Variants in FAM83B observed in about 807,000 individuals in gnomAD.
The protein encoded by FAM83B is protein FAM83B.
In FAM83B, 26 loss-of-function variants were observed where a neutral mutation model predicts 38.8. The observed-to-expected ratio is 0.67, with a 90% confidence interval of 0.49 to 0.93. FAM83B has a LOEUF of 0.93. FAM83B is among the 40% of genes least tolerant of loss of function. The pLI is 0.00. For missense variants in FAM83B, 1,237 were observed against 1,197.3 expected, an observed-to-expected ratio of 1.03 and a Z score of -0.49; for synonymous variants, 419 against 423.1, an observed-to-expected ratio of 0.99 and a Z score of 0.12.
At position 54,876,664 on chromosome 6, in the gene FAM83B, A is replaced by G. The variant is rs569033149; in HGVS notation, c.444+5974A>G. Among the ~76,000 whole-genome samples the G allele has an allele frequency of 7.8e-4, 119 of 151,906 alleles. No individual in the cohort carries two copies. The South Asian group carries it at 0.025, about 31-fold the overall frequency. On this transcript the variant is annotated intron_variant, in intron 2 of 4. Transcript: ENST00000306858. ...GATTGGGAGAAATGTTTTTGAGACT[A>G]TTTCCTTTAGTCAGCTATTACTCTT...
intron 2 of FAM83B, among the ~76,000 whole-genome samples, chr6:54,923,315 A>G (rs1773214054): frequency 6.6e-6 from 1 of 151,952 alleles, no homozygotes; most frequent in Admixed American, 6.6e-5. Flanking sequence ...CATTCATGAC[A>G]TCTTCTCTCC....
intron 2 of FAM83B, among the ~76,000 whole-genome samples, chr6:54,882,964 G>A (rs1772167275): frequency 6.6e-6 from 1 of 151,908 alleles, no homozygotes; most frequent in Non-Finnish European, 1.5e-5. Context: ...TTTATTTTGA[G>A]ATGGAGTCTC....
At position 54,900,741 on chromosome 6, in the gene FAM83B, G is replaced by A. The variant is rs192334785; in HGVS notation, c.445-25630G>A. The stretch of plus-strand genomic sequence containing the variant: ...GAGGGCTGAATTGACTCTATAGCTT[G>A]CAGCTAAATGATGGTATGCCTCAAA... On this transcript the variant is annotated intron_variant, in intron 2 of 4. Coordinates refer to ENST00000306858, the MANE Select transcript of FAM83B (RefSeq NM_001010872.3). Among the ~76,000 whole-genome samples the A allele has an allele frequency of 4.4e-3, 670 of 152,246 alleles. 8 individuals carry two copies. Among genetic ancestry groups the A allele is most frequent in the African/African-American group, 0.015 (638 of 41,552 alleles).
Position 54,879,251 on chromosome 6 carries a change from A to G in FAM83B, c.444+8561A>G, listed in dbSNP as rs543680566. On this transcript the variant is annotated intron_variant, in intron 2 of 4. Coordinates refer to ENST00000306858, the MANE Select transcript of FAM83B (RefSeq NM_001010872.3). The stretch of plus-strand genomic sequence containing the variant: ...GACTTGGAGAACAGTCCTGACCCTG[A>G]GGACCTAGTTGTAAGTAACTTGGAT... Among the ~76,000 whole-genome samples, 9 of 152,330 alleles carry G rather than the reference A, an allele frequency of 5.9e-5. No individual in the cohort carries two copies. In the South Asian group the frequency reaches 1.4e-3, roughly 25 times the overall value.
intron 2 of FAM83B, among the ~76,000 whole-genome samples, chr6:54,907,673 G>A (rs141817807): frequency 1.3e-5 from 2 of 152,070 alleles, no homozygotes; most frequent in African/African-American, 2.4e-5. Context: ...GAGTTTGAAG[G>A]CACCTCAGAG....
At chr6:54,914,821 C>T (rs1204338947) in intron 2 of FAM83B, among the ~76,000 whole-genome samples, 1 of 152,080 alleles carries the variant, frequency 6.6e-6, no homozygotes, top group Non-Finnish European at 1.5e-5. Flanking sequence ...AAAACTTTAC[C>T]TCCCCAGTCA....
At chr6:54,933,956 G>T (rs530273743) in intron 4 of FAM83B, among the ~76,000 whole-genome samples, 2 of 152,088 alleles carry the variant, frequency 1.3e-5, no homozygotes, top group Non-Finnish European at 2.9e-5. Context: ...TGTACCATAT[G>T]GGGGAGGAAT....
At chr6:54,939,625 T>C (rs1773608175) in intron 4 of FAM83B, 81 bp from the exon 5 acceptor site, 1 of 1,306,686 alleles carries the variant, frequency 7.7e-7, no homozygotes, top group African/African-American at 1.5e-5. Flanking sequence ...AACATAGTCA[T>C]TAAGTGATAC....
At chr6:54,873,456 T>G (rs1417734089) in intron 2 of FAM83B, among the ~76,000 whole-genome samples, 1 of 152,164 alleles carries the variant, frequency 6.6e-6, no homozygotes, top group Non-Finnish European at 1.5e-5. Flanking sequence ...ACATTGCTTT[T>G]TAAAGATTAA....
intron 2 of FAM83B, among the ~76,000 whole-genome samples, chr6:54,900,665 T>C (rs1772642698): frequency 6.6e-6 from 1 of 152,170 alleles, no homozygotes; most frequent in East Asian, 1.9e-4. Context: ...TCAGTGACAA[T>C]ATACACATAT....
chr6:54,941,867 G>T lies in FAM83B; in HGVS notation c.2896G>T (p.Ala966Ser), dbSNP rs1581938047. 6.2e-7 allele frequency: 1 copy of T among 1,613,948 alleles called. No homozygotes were observed. Among genetic ancestry groups the T allele is most frequent in the South Asian group, 1.1e-5 (1 of 91,060 alleles). ...TSINRPEIKSATMGNSYGRSS... is the reference protein window; with the variant it reads ...TSINRPEIKSSTMGNSYGRSS... Reference sequence around the variant, plus strand: ...TATAAATCGCCCAGAAATAAAATCTGCGACTATGGGCAACAGTTATGGCAG... The same window carrying T: ...TATAAATCGCCCAGAAATAAAATCTTCGACTATGGGCAACAGTTATGGCAG... The change falls in exon 5 of 5, where the codon GCG becomes TCG. Residue 966 changes from alanine (A) to serine (S), a missense_variant. Ala to Ser is a moderately conservative substitution (Grantham distance 99). Coordinates refer to ENST00000306858, the MANE Select transcript of FAM83B (RefSeq NM_001010872.3).
intron 1 of FAM83B, among the ~76,000 whole-genome samples, chr6:54,854,625 A>C (rs567547071): frequency 1.3e-5 from 2 of 152,222 alleles, no homozygotes; most frequent in Admixed American, 6.5e-5. Context: ...TTGCACACTT[A>C]ATAAGCCACA....
chr6:54,904,379 A>G, intron 2 of FAM83B, among the ~76,000 whole-genome samples: 1 of 152,104 alleles, frequency 6.6e-6, no homozygotes, highest in East Asian at 1.9e-4. Flanking sequence ...AGGTACTGAC[A>G]TTTCTATGTA....
rs575517800 is a variant in FAM83B, at chr6:54,925,397, G to A, written c.445-974G>A. Reference sequence around the variant, plus strand: ...GTTCTTCTTGCATGGCCCATAGTAGGTGGTCAATAAATATGCCTGGCACAT... The same window carrying A: ...GTTCTTCTTGCATGGCCCATAGTAGATGGTCAATAAATATGCCTGGCACAT... On this transcript the variant is annotated intron_variant, in intron 2 of 4. Coordinates refer to ENST00000306858, the MANE Select transcript of FAM83B (RefSeq NM_001010872.3). 2.5e-4 allele frequency among the ~76,000 whole-genome samples: 38 copies of A among 152,198 alleles called. 1 individual carries two copies. In the South Asian group the frequency reaches 6.8e-3, roughly 27 times the overall value.
In FAM83B at chr6:54,939,898, G is replaced by T. The variant is rs369793975; in HGVS notation, c.927G>T (p.Ser309=). The T allele has an allele frequency of 3.1e-6, 5 of 1,613,894 alleles. No homozygotes were observed. Among genetic ancestry groups the T allele is most frequent in the Non-Finnish European group, 3.4e-6 (4 of 1,179,950 alleles). The part of the protein sequence containing the change: ...ALWENGTYQH[S]VSSLASVSSQ... Reference sequence around the variant, plus strand: ...GGGAAAATGGCACTTACCAGCATTCGGTGTCTTCATTAGCATCTGTTTCCA... The same window carrying T: ...GGGAAAATGGCACTTACCAGCATTCTGTGTCTTCATTAGCATCTGTTTCCA... Residue 309 remains serine (S), a synonymous_variant, in exon 5 of 5, where the codon TCG becomes TCT. Transcript: ENST00000306858.
At chr6:54,870,141 T>C in intron 1 of FAM83B, 46 bp from the exon 2 acceptor site, 1 of 829,242 alleles carries the variant, frequency 1.2e-6, no homozygotes, top group South Asian at 1.7e-5. Context: ...AACATTCTGT[T>C]ACCGAATTTT....
At chr6:54,905,123 G>A (rs556489926) in intron 2 of FAM83B, among the ~76,000 whole-genome samples, 34 of 152,228 alleles carry the variant, frequency 2.2e-4, no homozygotes, top group Non-Finnish European at 4.4e-4. Context: ...AGAGCAAGAG[G>A]TGGAGAAAAG....
At chr6:54,883,552 T>C (rs1175383065) in intron 2 of FAM83B, among the ~76,000 whole-genome samples, 2 of 149,552 alleles carry the variant, frequency 1.3e-5, no homozygotes, top group Non-Finnish European at 3.0e-5. Context: ...GTCAGGCTGG[T>C]CTCGAACTCT....
At chr6:54,850,794 G>T (rs931963142) in intron 1 of FAM83B, among the ~76,000 whole-genome samples, 2 of 151,988 alleles carry the variant, frequency 1.3e-5, no homozygotes, top group African/African-American at 4.8e-5. Flanking sequence ...GCTGAGGCGG[G>T]TGGATCACAA....
Sources: gnomAD v4.1 joint callset for allele counts (sites outside exome capture counted in the v4.1 genomes callset) on GRCh38, gnomAD v4.1.1 for gene constraint, MANE v1.5 for transcripts, NCBI Gene and HGNC (gene_info 2026-07-23, HGNC 2026-07-21) for gene names.